Variants in KDM6B observed in about 807,000 individuals in gnomAD.
KDM6B encodes the protein lysine-specific demethylase 6B.
A neutral mutation model predicts 150.4 loss-of-function variants in KDM6B; 22 were observed. The ratio of observed to expected loss-of-function variants is 0.15; its 90% CI spans 0.10 to 0.21. The LOEUF is 0.21. Ranked by LOEUF, KDM6B falls within the 10% of genes least tolerant of loss-of-function variation. The probability of loss-of-function intolerance (pLI) is 1.00; values close to 1 mark genes in which losing one functional copy is unlikely to be tolerated. For synonymous variants in KDM6B, 1,148 were observed against 921.1 expected (o/e 1.25, Z -4.46); for missense variants, 1,984 against 2,234.3 (o/e 0.89, Z 2.26).
At position 7,852,586 on chromosome 17, in the gene KDM6B, C is replaced by T. The variant is rs143489614; in HGVS notation, c.4560C>T (p.Asn1520=). ...SIVPMIHVSW[N]VARTVKISDP... is the part of the protein sequence containing the mutation. The stretch of plus-strand genomic sequence containing the variant: ...TGCCCATGATTCACGTGTCATGGAA[C>T]GTGGCTCGCACGGTCAAAATCAGCG... Residue 1520 remains asparagine (N), a synonymous_variant, in exon 21 of 24, where the codon AAC becomes AAT. Coordinates refer to ENST00000448097, the MANE Select transcript of KDM6B (RefSeq NM_001348716.2). 50 of 1,613,992 alleles carry T rather than the reference C, an allele frequency of 3.1e-5. No individual in the cohort carries two copies. The highest frequency in any genetic ancestry group is 8.8e-5 in the South Asian group (8 of 91,094).
At position 7,843,979 on chromosome 17, in the gene KDM6B, T is replaced by C. The variant is rs942566415; in HGVS notation, c.-268-922T>C. Among the ~76,000 whole-genome samples the C allele has an allele frequency of 1.3e-5, 2 of 151,952 alleles. No individual in the cohort carries two copies. Among genetic ancestry groups the C allele is most frequent in the Non-Finnish European group, 2.9e-5 (2 of 67,938 alleles). The stretch of plus-strand genomic sequence containing the variant: ...AGGAAGTGAAACGAGTTCTGGGTTC[T>C]TTAAGGGAGTGGGTGGTGAGAGTGG... On this transcript the variant is annotated intron_variant, in intron 2 of 23. Transcript: ENST00000448097. The surrounding 1 kb of genome is among the most constrained non-coding windows in gnomAD (Gnocchi z 4.5).
chr17:7,838,662 C>T (rs565568790), intron 1 of KDM6B, among the ~76,000 whole-genome samples: 35 of 142,108 alleles, frequency 2.5e-4, no homozygotes, highest in Non-Finnish European at 3.2e-4. Flanking sequence ...TAAAGTCTGC[C>T]CACTCTGCTC....
intron 14 of KDM6B, among the ~76,000 whole-genome samples, chr17:7,850,448 A>G (rs2078668457): frequency 6.6e-6 from 1 of 152,228 alleles, no homozygotes; most frequent in South Asian, 2.1e-4. Flanking sequence ...ACCCCTGAAA[A>G]TCTGTGATGT....
chr17:7,841,460 C>T (rs1426272096), intron 2 of KDM6B, among the ~76,000 whole-genome samples: 1 of 152,194 alleles, frequency 6.6e-6, no homozygotes, highest in Non-Finnish European at 1.5e-5. Context: ...CACAGAAGGG[C>T]ATGTGCGGAG....
At chr17:7,852,404 T>G (rs2078716134) in intron 20 of KDM6B, 68 bp downstream of exon 20, 1 of 1,289,474 alleles carries the variant, frequency 7.8e-7, no homozygotes. Flanking sequence ...AGGCTGGGGC[T>G]TGGAGAGCCG....
rs1341323794 is a variant in KDM6B at position 7,846,558 on chromosome 17, CTT to C, written c.550-20_550-19del. 5.2e-5 allele frequency: 84 copies of C among 1,613,932 alleles called. No homozygotes were observed. Among genetic ancestry groups the C allele is most frequent in the Admixed American group, 6.7e-5 (4 of 59,992 alleles). ...TGTGCCTGCACCCGTGCCATTTTCT[CTT>C]CTCTCTTTTTGTTCTCAGCACAAAC... is the stretch of plus-strand genomic sequence containing the variant. On this transcript the variant is annotated intron_variant, in intron 8 of 23. Transcript: ENST00000448097.
Position 7,846,061 on chromosome 17 carries a change from C to A in KDM6B, c.237-17C>A, listed in dbSNP as rs2078529017. The A allele has an allele frequency of 1.9e-6, 3 of 1,563,218 alleles. No individual in the cohort carries two copies. Among genetic ancestry groups the A allele is most frequent in the Non-Finnish European group, 2.6e-6 (3 of 1,147,746 alleles). Reference sequence around the variant, plus strand: ...AGCCCAACCCCCACCCACACCCCCACCCCTTCTGCTCTGTAGGGCGCCCAC... The same window carrying A: ...AGCCCAACCCCCACCCACACCCCCAACCCTTCTGCTCTGTAGGGCGCCCAC... On this transcript the variant is annotated splice_polypyrimidine_tract_variant and intron_variant, in intron 6 of 23. Transcript: ENST00000448097.
Position 7,849,022 on chromosome 17 carries a change from G to T in KDM6B, c.2734G>T (p.Glu912Ter). The change falls in exon 12 of 24, where the codon GAG becomes TAG. Residue 912 changes from glutamate to a stop codon, truncating the protein, a stop_gained. Transcript: ENST00000448097. LOFTEE classifies it high-confidence loss of function. ...LSLPPARSESEVLEEISRACE... is the reference protein window; with the variant it reads ...LSLPPARSES ...TCTGCCCCCTGCTCGCTCTGAGTCT[G>T]AGGTGCTAGAAGAGATCAGCCGGGC... is the stretch of plus-strand genomic sequence containing the variant. The T allele has an allele frequency of 6.2e-7, 1 of 1,602,840 alleles. No individual in the cohort carries two copies.
intron 21 of KDM6B, 22 bp downstream of exon 21, chr17:7,852,658 G>A (rs770908851): frequency 6.2e-6 from 10 of 1,613,786 alleles, no homozygotes; most frequent in Admixed American, 1.7e-5. Flanking sequence ...ATTTGGGTGG[G>A]AGCCCACCTC....
At position 7,852,021 on chromosome 17, in the gene KDM6B, G is replaced by A. The variant is rs777410271; in HGVS notation, c.4236G>A (p.Ala1412=). Residue 1412 remains alanine (A), a synonymous_variant, in exon 19 of 24, where the codon GCG becomes GCA. Transcript: ENST00000448097. ...NIGPGDCEWF[A]VHEHYWETIS... is the part of the protein sequence containing the mutation. Reference sequence around the variant, plus strand: ...GCCCAGGCGACTGCGAGTGGTTCGCGGTGCACGAGCACTACTGGGAGACCA... The same window carrying A: ...GCCCAGGCGACTGCGAGTGGTTCGCAGTGCACGAGCACTACTGGGAGACCA... 4.3e-6 allele frequency: 7 copies of A among 1,614,072 alleles called. No homozygotes were observed. The highest frequency in any genetic ancestry group is 4.2e-6 in the Non-Finnish European group (5 of 1,180,012).
rs200066890 is a variant in KDM6B, at chr17:7,848,939, C to G, written c.2651C>G (p.Ala884Gly). The part of the protein sequence containing the change: ...SGGPWARERR[A>G]GEEPVPGPMT... ...GGGCCCTGGGCCCGGGAGCGCAGGG[C>G]GGGCGAAGAGCCAGTCCCGGGCCCC... The change falls in exon 12 of 24, where the codon GCG (alanine) becomes GGG (glycine). Residue 884 changes from alanine (A) to glycine (G), a missense_variant. By Grantham distance (60) the Ala-to-Gly change is moderately conservative. Transcript: ENST00000448097. 5 of 1,596,548 alleles carry G rather than the reference C, an allele frequency of 3.1e-6. No homozygotes were observed. In the East Asian group the frequency reaches 9.0e-5, roughly 29 times the overall value.
rs2078710850 is a variant in KDM6B at position 7,852,167 on chromosome 17, G to A, written c.4299G>A (p.Leu1433=). Residue 1433 remains leucine (L), a synonymous_variant, in exon 20 of 24, where the codon TTG becomes TTA. Transcript: ENST00000448097. The part of the protein sequence containing the change: ...AFCDRHGVDY[L]TGSWWPILDD... ...CCCGCAGGCACGGCGTGGACTACTT[G>A]ACGGGTTCCTGGTGGCCAATCCTGG... The A allele has an allele frequency of 6.2e-7, 1 of 1,613,982 alleles. No homozygotes were observed. Among genetic ancestry groups the A allele is most frequent in the Admixed American group, 1.7e-5 (1 of 60,014 alleles).
Position 7,845,422 on chromosome 17 carries a change from C to T in KDM6B, c.-40C>T, listed in dbSNP as rs2078511482. 4 of 1,156,972 alleles carry T rather than the reference C, an allele frequency of 3.5e-6. No individual in the cohort carries two copies. The highest frequency in any genetic ancestry group is 5.2e-6 in the Non-Finnish European group (4 of 767,104). 71.7% of individuals were successfully genotyped at this position (1,156,972 alleles called of 1,614,324 possible). ...GAGAGCTGGGGCAGGGGGCCGTGCC[C>T]AATCTCCAGGGCTCCTGGGGCCACT... is the stretch of plus-strand genomic sequence containing the variant. On this transcript the variant is annotated 5_prime_UTR_variant, in exon 4 of 24. Coordinates refer to ENST00000448097, the MANE Select transcript of KDM6B (RefSeq NM_001348716.2).
intron 2 of KDM6B, chr17:7,840,423 AG>A (rs1332040764): frequency 6.6e-6 from 1 of 152,140 alleles, no homozygotes; most frequent in African/African-American, 2.4e-5. Flanking sequence ...TGGCTTTTGG[AG>A]GGTGTTCAGA....
chr17:7,835,559 G>C (rs2078318426), intron 1 of KDM6B, among the ~76,000 whole-genome samples: 1 of 152,092 alleles, frequency 6.6e-6, no homozygotes, highest in Non-Finnish European at 1.5e-5. Flanking sequence ...CGAGACTTGG[G>C]AGCCGGATTC....
rs199821311 is a variant in KDM6B at position 7,848,173 on chromosome 17, C to G, written c.1885C>G (p.Arg629Gly). 1 of 1,612,638 alleles carries G rather than the reference C, an allele frequency of 6.2e-7. No individual in the cohort carries two copies. Among genetic ancestry groups the G allele is most frequent in the Non-Finnish European group, 8.5e-7 (1 of 1,179,864 alleles). The change falls in exon 12 of 24, where the codon CGG becomes GGG. Residue 629 changes from arginine to glycine, a missense_variant. This residue lies in a region of KDM6B where 1,379 missense variants were observed against 1,275.6 expected (regional missense o/e 1.08). Transcript: ENST00000448097. ...SGSFRRPESP[R>G]PRVSFPKTPE... ...AAGCTTCAGGCGCCCGGAGAGCCCCCGGCCCAGGGTCTCCTTCCCAAAGAC... is the reference window on the plus strand; with the variant it reads ...AAGCTTCAGGCGCCCGGAGAGCCCCGGGCCCAGGGTCTCCTTCCCAAAGAC...
Position 7,846,805 on chromosome 17 carries a change from C to CT in KDM6B, c.712-13dup. 1.9e-6 allele frequency: 3 copies of CT among 1,613,634 alleles called. No individual in the cohort carries two copies. The highest frequency in any genetic ancestry group is 2.5e-6 in the Non-Finnish European group (3 of 1,179,934). ...GACTTGGGAATGGGATTCTCACACT[C>CT]TCTTCTCTCCTAGACTGGCCTTCCC... is the stretch of plus-strand genomic sequence containing the variant. On this transcript the variant is annotated splice_polypyrimidine_tract_variant and intron_variant, in intron 9 of 23. Transcript: ENST00000448097.
At position 7,851,479 on chromosome 17, in the gene KDM6B, A is replaced by T. The variant is rs1567802052; in HGVS notation, c.3946A>T (p.Ser1316Cys). ...AACCTGTGCTCTTCGCCCCAGCAGC[A>T]GCGCACCAGACCCGAAGAACCATCA... Reference protein sequence around the residue: ...PDSTTGTPPSSAPDPKNHHII... With the variant: ...PDSTTGTPPSCAPDPKNHHII... Residue 1316 changes from serine (S) to cysteine (C), a missense_variant and splice_region_variant, in exon 17 of 24, where the codon AGC becomes TGC. Ser to Cys is a moderately radical substitution (Grantham distance 112). Around this residue, in one of 13 missense-constraint regions of KDM6B, gnomAD observed 41 missense variants for 38.4 expected, o/e 1.07. Coordinates refer to ENST00000448097, the MANE Select transcript of KDM6B (RefSeq NM_001348716.2). The T allele has an allele frequency of 5.6e-6, 9 of 1,614,200 alleles. No individual in the cohort carries two copies. Among genetic ancestry groups the T allele is most frequent in the Non-Finnish European group, 7.6e-6 (9 of 1,180,040 alleles).
chr17:7,847,843 C>G lies in KDM6B; in HGVS notation c.1555C>G (p.Leu519Val). 1 of 1,559,686 alleles carries G rather than the reference C, an allele frequency of 6.4e-7. No homozygotes were observed. Among genetic ancestry groups the G allele is most frequent in the East Asian group, 2.4e-5 (1 of 42,328 alleles). ...ACCCCCCCGCCCTGCCCCACCACCC[C>G]TCCCCCATCGCGAGGGCTTCTTGGG... The part of the protein sequence containing the change: ...EGPPRPAPPP[L>V]PHREGFLGPP... The change falls in exon 12 of 24, where the codon CTC becomes GTC. Residue 519 changes from leucine (L) to valine (V), a missense_variant. Transcript: ENST00000448097.
Sources: allele counts gnomAD v4.1 joint callset (sites outside exome capture counted in the v4.1 genomes callset), GRCh38; gene constraint gnomAD v4.1.1; regional missense constraint gnomAD v4.1.1; non-coding constraint Gnocchi (gnomAD v3.1); transcripts MANE v1.5; gene names NCBI Gene and HGNC (gene_info 2026-07-23, HGNC 2026-07-21).